Variants in VAV2 observed in about 807,000 individuals in gnomAD.
VAV2 encodes guanine nucleotide exchange factor VAV2.
A neutral mutation model predicts 132.5 loss-of-function variants in VAV2; 67 were observed. The ratio of observed to expected loss-of-function variants is 0.51; its 90% CI spans 0.42 to 0.62. The LOEUF is 0.62. Ranked by LOEUF, VAV2 falls within the 20% of genes least tolerant of loss-of-function variation. The pLI is 0.00. For synonymous variants in VAV2, 492 were observed against 443.5 expected (o/e 1.11, Z -1.37); for missense variants, 938 against 1,153.6 (o/e 0.81, Z 2.71).
At position 133,965,187 on chromosome 9, in the gene VAV2, T is replaced by C. The variant is rs562518746; in HGVS notation, c.205-25968A>G. Among the ~76,000 whole-genome samples, 5 of 147,612 alleles carry C rather than the reference T, an allele frequency of 3.4e-5. No homozygotes were observed. In the South Asian group the frequency reaches 8.6e-4, roughly 25 times the overall value. On this transcript the variant is annotated intron_variant, in intron 1 of 29. Transcript: ENST00000371850. ...ATACACCAACAATGGACTAGCAGAA[T>C]AAAAAAAAAATCAAGAAAGGCCAGG... is the stretch of plus-strand genomic sequence containing the variant.
chr9:133,962,075 C>T (rs1212062810), intron 1 of VAV2, among the ~76,000 whole-genome samples: 1 of 152,190 alleles, frequency 6.6e-6, no homozygotes, highest in Non-Finnish European at 1.5e-5. Flanking sequence ...TGGCTCAGCA[C>T]TGGGGGTGGA....
At chr9:133,967,425 A>G (rs1842179362) in intron 1 of VAV2, among the ~76,000 whole-genome samples, 2 of 152,192 alleles carry the variant, frequency 1.3e-5, no homozygotes, top group Admixed American at 1.3e-4. Flanking sequence ...AAGAAAGGAA[A>G]TCAGTGTTTG....
At chr9:133,887,744 C>G (rs990388650) in intron 2 of VAV2, among the ~76,000 whole-genome samples, 5 of 152,124 alleles carry the variant, frequency 3.3e-5, no homozygotes, top group African/African-American at 4.8e-5. Flanking sequence ...CAGCCTGACA[C>G]GGCGATCAGC....
chr9:133,788,542 G>C lies in VAV2; in HGVS notation c.1275-56C>G. The C allele has an allele frequency of 6.4e-7, 1 of 1,571,974 alleles. No individual in the cohort carries two copies. The highest frequency in any genetic ancestry group is 8.7e-7 in the Non-Finnish European group (1 of 1,149,096). On this transcript the variant is annotated intron_variant, in intron 14 of 29. Coordinates refer to ENST00000371850, the MANE Select transcript of VAV2 (RefSeq NM_001134398.2). This position sits in a 1 kb window ranked among gnomAD's most constrained non-coding sequence, Gnocchi z 5.3. ...ACCCCAGCACTGTGTGCTCTGCTCCGAGGAGGCGGCAGGAGCTGAGCCTGA... is the reference window on the plus strand; with the variant it reads ...ACCCCAGCACTGTGTGCTCTGCTCCCAGGAGGCGGCAGGAGCTGAGCCTGA...
At chr9:133,790,912 CA>C (rs1834431417) in intron 13 of VAV2, among the ~76,000 whole-genome samples, 2 of 152,130 alleles carry the variant, frequency 1.3e-5, no homozygotes, top group Admixed American at 1.3e-4. Context: ...GATTCACCAC[CA>C]GGGGTAATTT....
intron 2 of VAV2, among the ~76,000 whole-genome samples, chr9:133,870,859 T>A (rs1219250526): frequency 9.3e-6 from 1 of 107,086 alleles, no homozygotes; most frequent in African/African-American, 4.0e-5. Context: ...GATGGATGGA[T>A]AAGTGGGTAG....
chr9:133,780,034 G>A (rs1223199698), intron 20 of VAV2, 95 bp from the exon 21 acceptor site: 1 of 1,537,182 alleles, frequency 6.5e-7, no homozygotes, highest in South Asian at 1.2e-5. Context: ...GTCCCCACTA[G>A]TTCCTAGATA....
chr9:133,976,559 C>A (rs1042067371), intron 1 of VAV2, among the ~76,000 whole-genome samples: 1 of 152,348 alleles, frequency 6.6e-6, no homozygotes, highest in African/African-American at 2.4e-5. Context: ...TGGTAAAGTA[C>A]ACACAATGCC....
chr9:133,828,842 C>T (rs1836153790), intron 4 of VAV2, among the ~76,000 whole-genome samples: 2 of 152,258 alleles, frequency 1.3e-5, no homozygotes, highest in Non-Finnish European at 2.9e-5. Flanking sequence ...TCGCCTTCCA[C>T]ACCCTGCACA....
Position 133,769,386 on chromosome 9 carries a change from G to C in VAV2, c.2434+31C>G. On this transcript the variant is annotated intron_variant, in intron 28 of 29. Transcript: ENST00000371850. This position sits in a 1 kb window ranked among gnomAD's most constrained non-coding sequence, Gnocchi z 8.1. ...CTCCCAAGGCAGCTGCCACAGGCCC[G>C]GTCCCCCCACGCCCTGGGGAGCAGC... The C allele has an allele frequency of 3.8e-6, 6 of 1,589,740 alleles. No homozygotes were observed. Among genetic ancestry groups the C allele is most frequent in the Non-Finnish European group, 5.1e-6 (6 of 1,168,346 alleles).
At chr9:133,861,300 A>G in intron 3 of VAV2, 74 bp downstream of exon 3, 4 of 1,496,584 alleles carry the variant, frequency 2.7e-6, no homozygotes, top group East Asian at 2.4e-5. Context: ...CAACCCCAGT[A>G]TCTGTGACAA....
chr9:133,938,302 C>T (rs1841000041), intron 2 of VAV2, among the ~76,000 whole-genome samples: 1 of 152,218 alleles, frequency 6.6e-6, no homozygotes, highest in African/African-American at 2.4e-5. Flanking sequence ...CCTCCGGCGT[C>T]CAGCCCCGAA....
At position 133,935,705 on chromosome 9, in the gene VAV2, C is replaced by G. The variant is rs1014241330; in HGVS notation, c.321+3398G>C. Reference sequence around the variant, plus strand: ...CTCCCCAGCCTCCGCTGGCCCCAGGCCAGACTCCATTTGGAAGTGCTGACC... The same window carrying G: ...CTCCCCAGCCTCCGCTGGCCCCAGGGCAGACTCCATTTGGAAGTGCTGACC... On this transcript the variant is annotated intron_variant, in intron 2 of 29. Coordinates refer to ENST00000371850, the MANE Select transcript of VAV2 (RefSeq NM_001134398.2). The surrounding 1 kb of genome is among the most constrained non-coding windows in gnomAD (Gnocchi z 5.2). 2.6e-5 allele frequency among the ~76,000 whole-genome samples: 4 copies of G among 152,236 alleles called. No homozygotes were observed. Among genetic ancestry groups the G allele is most frequent in the Non-Finnish European group, 5.9e-5 (4 of 68,038 alleles).
rs1242470661 is a variant in VAV2 at position 133,992,281 on chromosome 9, C to A, written c.-3G>T. 1.3e-6 allele frequency: 2 copies of A among 1,539,742 alleles called. No individual in the cohort carries two copies. The highest frequency in any genetic ancestry group is 1.4e-5 in the African/African-American group (1 of 70,612). On this transcript the variant is annotated 5_prime_UTR_variant, in exon 1 of 30. Coordinates refer to ENST00000371850, the MANE Select transcript of VAV2 (RefSeq NM_001134398.2). This position sits in a 1 kb window ranked among gnomAD's most constrained non-coding sequence, Gnocchi z 5.5. Reference sequence around the variant, plus strand: ...CCGCACTGCCGCCACTGCTCCATGGCGCCCGCGGGCCCGACCGGCTCAGGG... The same window carrying A: ...CCGCACTGCCGCCACTGCTCCATGGAGCCCGCGGGCCCGACCGGCTCAGGG...
At chr9:133,931,759 T>C (rs542049340) in intron 2 of VAV2, among the ~76,000 whole-genome samples, 1 of 152,206 alleles carries the variant, frequency 6.6e-6, no homozygotes, top group South Asian at 2.1e-4. Flanking sequence ...GGAGAGGACA[T>C]CAGGCTCAGG....
chr9:133,876,388 C>A (rs925977011), intron 2 of VAV2, among the ~76,000 whole-genome samples: 2 of 152,196 alleles, frequency 1.3e-5, no homozygotes, highest in Non-Finnish European at 2.9e-5. Context: ...GGGCAAGGGA[C>A]GGGGTGGGTG....
At chr9:133,807,116 G>A in intron 8 of VAV2, 142 bp downstream of exon 8, 1 of 914,168 alleles carries the variant, frequency 1.1e-6, no homozygotes. Flanking sequence ...AGCGGTGGGG[G>A]CTCCTCCTTC....
At chr9:133,985,271 TGTGTTTTG>T (rs1842824083) in intron 1 of VAV2, among the ~76,000 whole-genome samples, 1 of 141,390 alleles carries the variant, frequency 7.1e-6, no homozygotes, top group South Asian at 2.3e-4. Flanking sequence ...TGTGTGTGTG[TGTGTTTTG>T]TTTTTGTTTT....
At chr9:133,946,248 C>T (rs1247094077) in intron 1 of VAV2, among the ~76,000 whole-genome samples, 2 of 152,212 alleles carry the variant, frequency 1.3e-5, no homozygotes, top group Non-Finnish European at 2.9e-5. Context: ...GGGGGAGGGA[C>T]ACAGGCCGAC....
Sources: gnomAD v4.1 joint callset for allele counts (sites outside exome capture counted in the v4.1 genomes callset) on GRCh38, gnomAD v4.1.1 for gene constraint, Gnocchi (gnomAD v3.1) non-coding constraint, MANE v1.5 for transcripts, NCBI Gene and HGNC (gene_info 2026-07-23, HGNC 2026-07-21) for gene names.